The following RNF150 variants were observed in gnomAD, a reference collection of about 807,000 sequenced individuals.
RNF150 encodes ring finger protein 150.
RNF150 carries 24 observed loss-of-function variants against 39.3 expected under a neutral mutation model. That is an observed-to-expected ratio of 0.61 (90% CI 0.44 to 0.86). The LOEUF is 0.86. RNF150 is among the 40% of genes least tolerant of loss of function. RNF150 has a pLI of 0.00. For synonymous variants in RNF150, 255 were observed against 227.3 expected (o/e 1.12, Z -1.10); for missense variants, 502 against 587.8 (o/e 0.85, Z 1.51).
At chr4:140,906,058 A>T (rs1002935296) in intron 6 of RNF150, among the ~76,000 whole-genome samples, 4 of 152,066 alleles carry the variant, frequency 2.6e-5, no homozygotes, top group Admixed American at 6.6e-5. Context: ...CAGAAAAAAA[A>T]TTTTTTGGGG....
chr4:141,166,484 A>G (rs1458504658), intron 1 of RNF150, among the ~76,000 whole-genome samples: 1 of 152,238 alleles, frequency 6.6e-6, no homozygotes, highest in African/African-American at 2.4e-5. Context: ...GCAGAGACAC[A>G]ACAGAAAAAG....
At chr4:140,914,291 AT>A (rs1488762553) in intron 5 of RNF150, among the ~76,000 whole-genome samples, 1 of 152,204 alleles carries the variant, frequency 6.6e-6, no homozygotes, top group Non-Finnish European at 1.5e-5. Context: ...AACCTCACAG[AT>A]TATATCCACT....
rs370221883 is a variant in RNF150 at position 141,104,648 on chromosome 4, C to T, written c.484+27677G>A. Among the ~76,000 whole-genome samples the T allele has an allele frequency of 3.3e-5, 5 of 152,306 alleles. No homozygotes were observed. The East Asian group carries it at 7.7e-4, about 24-fold the overall frequency. ...AGCAATTGATGATTCTATTCAATGTCCCAAATCCAAATTGGTTGCCATATT... is the reference window on the plus strand; with the variant it reads ...AGCAATTGATGATTCTATTCAATGTTCCAAATCCAAATTGGTTGCCATATT... On this transcript the variant is annotated intron_variant, in intron 1 of 6. Transcript: ENST00000515673.
At chr4:140,982,381 C>A (rs1268121984) in intron 1 of RNF150, among the ~76,000 whole-genome samples, 1 of 152,152 alleles carries the variant, frequency 6.6e-6, no homozygotes, top group Non-Finnish European at 1.5e-5. Context: ...GGCATCCTTC[C>A]TCCTCTTGAA....
chr4:140,929,494 G>A (rs1334943494), intron 4 of RNF150, among the ~76,000 whole-genome samples: 2 of 150,376 alleles, frequency 1.3e-5, no homozygotes, highest in African/African-American at 4.9e-5. Context: ...AGCCTCCGGA[G>A]TAGCTGGGAC....
chr4:140,995,658 T>A (rs1368079876), intron 1 of RNF150, among the ~76,000 whole-genome samples: 1 of 152,166 alleles, frequency 6.6e-6, no homozygotes, highest in Non-Finnish European at 1.5e-5. Context: ...GTGTCCCGCC[T>A]CCTATCTCAT....
rs184552477 is a variant in RNF150 at position 140,903,408 on chromosome 4, T to C, written c.1198+7736A>G. Among the ~76,000 whole-genome samples the C allele has an allele frequency of 5.4e-4, 82 of 152,344 alleles. 1 individual carries two copies. Among genetic ancestry groups the C allele is most frequent in the Admixed American group, 5.4e-3 (82 of 15,298 alleles). Reference sequence around the variant, plus strand: ...TATTTTCAGCTGCTCCTGCTTTTTTTAATCTCTGAATGATGGCACTTCCCC... The same window carrying C: ...TATTTTCAGCTGCTCCTGCTTTTTTCAATCTCTGAATGATGGCACTTCCCC... On this transcript the variant is annotated intron_variant, in intron 6 of 6. Coordinates refer to ENST00000515673, the MANE Select transcript of RNF150 (RefSeq NM_020724.2).
intron 1 of RNF150, among the ~76,000 whole-genome samples, chr4:140,996,160 G>A (rs1302007778): frequency 6.6e-6 from 1 of 152,102 alleles, no homozygotes; most frequent in Non-Finnish European, 1.5e-5. Flanking sequence ...CTTTTGGATA[G>A]AAACCATTTT....
chr4:141,000,005 G>GAA lies in RNF150; in HGVS notation c.485-32134_485-32133dup, dbSNP rs1560678896. ...GAAGAAAAGAAGAAAAGAAGAAGAA[G>GAA]AAGAAGAAGAAGAAGAAGAAGAAGA... On this transcript the variant is annotated intron_variant, in intron 1 of 6. Transcript: ENST00000515673. Among the ~76,000 whole-genome samples the GAA allele has an allele frequency of 3.6e-3, 121 of 33,182 alleles. 2 individuals are homozygous for GAA. Among genetic ancestry groups the GAA allele is most frequent in the South Asian group, 4.7e-3 (5 of 1,068 alleles). 21.8% of individuals were successfully genotyped at this position (33,182 alleles called of 152,430 possible).
intron 1 of RNF150, among the ~76,000 whole-genome samples, chr4:141,071,935 G>A (rs969068961): frequency 6.6e-5 from 10 of 152,126 alleles, no homozygotes; most frequent in Admixed American, 5.9e-4. Context: ...GTGCAGATGT[G>A]AGATTCTGCC....
chr4:141,053,742 C>G (rs754846363), intron 1 of RNF150: 256 of 1,348,170 alleles, frequency 1.9e-4, no homozygotes, highest in Non-Finnish European at 2.3e-4. Flanking sequence ...CTGTGAACAA[C>G]GATAAAAATG....
At chr4:141,142,230 C>G (rs532221966) in intron 1 of RNF150, among the ~76,000 whole-genome samples, 25 of 152,272 alleles carry the variant, frequency 1.6e-4, no homozygotes, top group South Asian at 4.1e-4. Context: ...ATCCTAAAAC[C>G]TATCATCTAC....
chr4:140,890,200 C>T (rs1434586044), intron 6 of RNF150, among the ~76,000 whole-genome samples: 3 of 152,054 alleles, frequency 2.0e-5, no homozygotes, highest in East Asian at 1.9e-4. Context: ...ATTTTTTATA[C>T]GAAAGAAAGC....
chr4:141,027,939 T>TTG (rs1735781414), intron 1 of RNF150, among the ~76,000 whole-genome samples: 1 of 133,564 alleles, frequency 7.5e-6, no homozygotes, highest in Non-Finnish European at 1.6e-5. Flanking sequence ...TTTTTTTTTT[T>TTG]TTTTTTTTTT....
chr4:141,171,642 C>T (rs72726206), intron 1 of RNF150, among the ~76,000 whole-genome samples: 3,007 of 152,318 alleles, frequency 0.02, 56 homozygotes, highest in Non-Finnish European at 0.03. Flanking sequence ...TCCCACTTCA[C>T]TTTCAATTGA....
chr4:141,062,021 CTAAA>C (rs1014214469), intron 1 of RNF150, among the ~76,000 whole-genome samples: 1 of 152,052 alleles, frequency 6.6e-6, no homozygotes, highest in Non-Finnish European at 1.5e-5. Flanking sequence ...TTTAAGTACA[CTAAA>C]TACTTTTCCC....
intron 1 of RNF150, among the ~76,000 whole-genome samples, chr4:140,973,263 A>ATAAG (rs1206642958): frequency 6.6e-6 from 1 of 152,220 alleles, no homozygotes; most frequent in Non-Finnish European, 1.5e-5. Flanking sequence ...CAGCAGTAAA[A>ATAAG]TAAGTAAGTA....
chr4:141,174,793 G>T (rs1488264617), intron 1 of RNF150, among the ~76,000 whole-genome samples: 1 of 150,858 alleles, frequency 6.6e-6, no homozygotes, highest in Non-Finnish European at 1.5e-5. Flanking sequence ...TAGGGATAAA[G>T]TTGGAAGAGA....
At chr4:140,953,522 A>AT (rs3033157) in intron 2 of RNF150, among the ~76,000 whole-genome samples, 5 of 150,448 alleles carry the variant, frequency 3.3e-5, no homozygotes, top group African/African-American at 1.2e-4. Flanking sequence ...GTAATAAAAG[A>AT]TTTTTTTTTT....
Sources: gnomAD v4.1 joint callset for allele counts (sites outside exome capture counted in the v4.1 genomes callset) on GRCh38, gnomAD v4.1.1 for gene constraint, MANE v1.5 for transcripts, NCBI Gene and HGNC (gene_info 2026-07-23, HGNC 2026-07-21) for gene names.